Variants in EYA2 observed in about 807,000 individuals in gnomAD.
EYA2 encodes the protein protein phosphatase EYA2.
In EYA2, 31 loss-of-function variants were observed where a neutral mutation model predicts 69.2. That is an observed-to-expected ratio of 0.45 (90% CI 0.34 to 0.60). The LOEUF (loss-of-function observed/expected upper bound fraction) is 0.60, where lower values mean the gene tolerates loss of function less well. Among genes scored for constraint, EYA2 ranks in the 20% least tolerant of loss-of-function variants. The probability of loss-of-function intolerance (pLI) is 0.02; values close to 1 mark genes in which losing one functional copy is unlikely to be tolerated. For synonymous variants in EYA2, 257 were observed against 279.4 expected (o/e 0.92, Z 0.80); for missense variants, 622 against 701.2 (o/e 0.89, Z 1.28).
rs2033308167 is a variant in EYA2, at chr20:47,130,267, T to TTTTTTTTTC, written c.889-12784_889-12783insCTTTTTTTT. 4.2e-5 allele frequency among the ~76,000 whole-genome samples: 5 copies of TTTTTTTTTC among 118,776 alleles called. 1 individual carries two copies. The highest frequency in any genetic ancestry group is 3.9e-4 in the Admixed American group (5 of 12,782). The allele number at this position is 118,776 out of a possible 152,430, so 77.9% of individuals were successfully genotyped here. A position where few individuals can be genotyped will look rare whatever the true frequency, so the allele number is the denominator to read the frequency against. ...ATAAAAGAAGGTTTATTTTCTTTTT[T>TTTTTTTTTC]TTTTTTTTTTTTTTTGAGACAGAGT... On this transcript the variant is annotated intron_variant, in intron 9 of 15. Transcript: ENST00000327619.
At chr20:47,090,270 T>G (rs2032038779) in intron 8 of EYA2, among the ~76,000 whole-genome samples, 1 of 138,968 alleles carries the variant, frequency 7.2e-6, no homozygotes, top group Non-Finnish European at 1.5e-5. Context: ...TCTCTCTGGC[T>G]CCCCCATCAC....
chr20:47,094,147 G>A (rs1052556793), intron 8 of EYA2, among the ~76,000 whole-genome samples: 1 of 152,228 alleles, frequency 6.6e-6, no homozygotes, highest in South Asian at 2.1e-4. Context: ...GGTAGTAGGA[G>A]AAAGGGATGG....
chr20:47,178,335 CAAA>C (rs11482454), intron 12 of EYA2, among the ~76,000 whole-genome samples: 1 of 122,360 alleles, frequency 8.2e-6, no homozygotes. Flanking sequence ...GATCTTGTCT[CAAA>C]AAAAAAAAAA....
At chr20:46,957,397 C>T (rs1979194322) in intron 1 of EYA2, among the ~76,000 whole-genome samples, 1 of 152,142 alleles carries the variant, frequency 6.6e-6, no homozygotes, top group Non-Finnish European at 1.5e-5. Context: ...GTACATGTCA[C>T]CTTATGTGGC....
At chr20:47,135,818 C>CAAAA (rs1201324879) in intron 9 of EYA2, among the ~76,000 whole-genome samples, 353 of 30,404 alleles carry the variant, frequency 0.012, no homozygotes, top group Middle Eastern at 0.032. Context: ...CCTGTCTCTA[C>CAAAA]AAAAAAAAAA....
At chr20:47,143,384 G>A (rs1022688421) in intron 10 of EYA2, among the ~76,000 whole-genome samples, 6 of 152,006 alleles carry the variant, frequency 3.9e-5, no homozygotes, top group Non-Finnish European at 7.4e-5. Context: ...TGCAGTTAAC[G>A]GGCTCTTCTC....
At chr20:46,932,834 C>T (rs144796059) in intron 1 of EYA2, among the ~76,000 whole-genome samples, 8,616 of 152,032 alleles carry the variant, frequency 0.057, 743 homozygotes, top group African/African-American at 0.19. Flanking sequence ...TGCAGTGAGC[C>T]GAGATCGAGC....
intron 1 of EYA2, among the ~76,000 whole-genome samples, chr20:46,957,495 AGTT>A (rs1037631350): frequency 6.6e-6 from 1 of 151,480 alleles, no homozygotes; most frequent in African/African-American, 2.4e-5. Context: ...ATGAGATCAC[AGTT>A]GTTCTTATAG....
chr20:47,086,825 C>T (rs2066229), intron 7 of EYA2, among the ~76,000 whole-genome samples: 134,852 of 151,224 alleles, frequency 0.89, 61,156 homozygotes, highest in Middle Eastern at 0.98. Flanking sequence ...TTTTTTTTGG[C>T]ACCCCTGCGA....
chr20:46,979,779 T>C (rs1356423166), intron 1 of EYA2: 1 of 152,198 alleles, frequency 6.6e-6, no homozygotes, highest in African/African-American at 2.4e-5. Context: ...CTACCTGGAA[T>C]GAAACGAATG....
intron 9 of EYA2, among the ~76,000 whole-genome samples, chr20:47,118,349 G>A (rs1368969957): frequency 3.9e-5 from 6 of 152,144 alleles, no homozygotes; most frequent in Non-Finnish European, 7.4e-5. Flanking sequence ...TTTGCAGCAC[G>A]GCTGGGAGAA....
chr20:46,960,908 A>G (rs1979436354), intron 1 of EYA2, among the ~76,000 whole-genome samples: 1 of 152,106 alleles, frequency 6.6e-6, no homozygotes, highest in Non-Finnish European at 1.5e-5. Context: ...ACGAGTGGGC[A>G]TTTCTGCAGC....
At chr20:47,049,736 A>G (rs944819960) in intron 5 of EYA2, among the ~76,000 whole-genome samples, 1 of 151,904 alleles carries the variant, frequency 6.6e-6, no homozygotes, top group African/African-American at 2.4e-5. Flanking sequence ...AGCCAATTCA[A>G]CCTCTTTGCT....
At chr20:47,117,569 G>A (rs2032935143) in intron 9 of EYA2, 2 of 985,436 alleles carry the variant, frequency 2.0e-6, no homozygotes, top group East Asian at 2.3e-4. Context: ...GCACAGGACT[G>A]TAGGGATTCA....
intron 8 of EYA2, among the ~76,000 whole-genome samples, chr20:47,094,042 G>A (rs1451185436): frequency 6.6e-6 from 1 of 152,186 alleles, no homozygotes; most frequent in African/African-American, 2.4e-5. Context: ...CCATGGTTAA[G>A]GACGCACCCT....
At chr20:46,919,333 G>A (rs1201247372) in intron 1 of EYA2, among the ~76,000 whole-genome samples, 1 of 152,248 alleles carries the variant, frequency 6.6e-6, no homozygotes, top group Non-Finnish European at 1.5e-5. Flanking sequence ...CCAATCGAAT[G>A]CTGTTTTGTC....
rs578210362 is a variant in EYA2, at chr20:47,149,091, A to G, written c.978+5943A>G. 2.2e-4 allele frequency among the ~76,000 whole-genome samples: 34 copies of G among 152,338 alleles called. No individual in the cohort carries two copies. In the South Asian group the frequency reaches 3.5e-3, roughly 16 times the overall value. ...GACTCCATCTCCAAAAAACAAAAAAAAAAAACAAGTATTATTTATGTTTTG... is the reference window on the plus strand; with the variant it reads ...GACTCCATCTCCAAAAAACAAAAAAGAAAAACAAGTATTATTTATGTTTTG... On this transcript the variant is annotated intron_variant, in intron 10 of 15. Coordinates refer to ENST00000327619, the MANE Select transcript of EYA2 (RefSeq NM_005244.5).
At chr20:46,930,716 G>A (rs1045636919) in intron 1 of EYA2, among the ~76,000 whole-genome samples, 1 of 152,174 alleles carries the variant, frequency 6.6e-6, no homozygotes, top group Non-Finnish European at 1.5e-5. Flanking sequence ...TTAAACAGTT[G>A]CATGAGACAC....
chr20:46,934,721 A>G (rs1199985615), intron 1 of EYA2, among the ~76,000 whole-genome samples: 1 of 152,074 alleles, frequency 6.6e-6, no homozygotes, highest in Non-Finnish European at 1.5e-5. Flanking sequence ...AATTTATTGG[A>G]TGGGACAGGG....
Sources: allele counts gnomAD v4.1 joint callset (sites outside exome capture counted in the v4.1 genomes callset), GRCh38; gene constraint gnomAD v4.1.1; transcripts MANE v1.5; gene names NCBI Gene and HGNC (gene_info 2026-07-23, HGNC 2026-07-21).